YPEL2: variants seen among roughly 807,000 people sequenced by gnomAD.
The protein encoded by YPEL2 is protein yippee-like 2.
Under a neutral mutation model 19.1 loss-of-function variants are expected in YPEL2, and 2 were observed. That is an observed-to-expected ratio of 0.10 (90% CI 0.04 to 0.33). YPEL2 has a LOEUF of 0.33. Among genes scored for constraint, YPEL2 ranks in the 10% least tolerant of loss-of-function variants. The pLI is 1.00. For synonymous variants in YPEL2, 52 were observed against 50.0 expected, an observed-to-expected ratio of 1.04 and a Z score of -0.17; for missense variants, 66 against 140.7, an observed-to-expected ratio of 0.47 and a Z score of 2.68.
chr17:59,375,996 CT>C (rs1274699221), intron 2 of YPEL2, among the ~76,000 whole-genome samples: 1 of 152,136 alleles, frequency 6.6e-6, no homozygotes, highest in Admixed American at 6.5e-5. Context: ...CAGCTCTAGG[CT>C]TCAGTTTCCT....
intron 1 of YPEL2, among the ~76,000 whole-genome samples, chr17:59,334,567 CACAA>C (rs2047689568): frequency 2.0e-5 from 2 of 99,258 alleles, no homozygotes; most frequent in South Asian, 4.5e-4. Context: ...TGCCTTCAGG[CACAA>C]ACACACACAC....
intron 1 of YPEL2, among the ~76,000 whole-genome samples, chr17:59,332,374 C>G (rs1184632458): frequency 6.6e-6 from 1 of 152,210 alleles, no homozygotes; most frequent in Non-Finnish European, 1.5e-5. Context: ...TGCCCCGACC[C>G]GGGTCGAGGT....
intron 2 of YPEL2, among the ~76,000 whole-genome samples, chr17:59,365,869 A>AC (rs2047866210): frequency 6.6e-6 from 1 of 152,084 alleles, no homozygotes; most frequent in Non-Finnish European, 1.5e-5. Flanking sequence ...AGAAACAACA[A>AC]CATCTAATCA....
chr17:59,339,309 C>T (rs756030872), intron 1 of YPEL2, among the ~76,000 whole-genome samples: 9 of 152,096 alleles, frequency 5.9e-5, no homozygotes, highest in Non-Finnish European at 8.8e-5. Context: ...TTGTTTTGCT[C>T]GCGGGGCTCT....
chr17:59,346,217 G>T (rs901683025), intron 1 of YPEL2, among the ~76,000 whole-genome samples: 35 of 152,228 alleles, frequency 2.3e-4, no homozygotes, highest in Admixed American at 2.3e-3. Context: ...AGCCAGGGCT[G>T]CTTTCATTCT....
At chr17:59,373,593 G>A (rs946003545) in intron 2 of YPEL2, among the ~76,000 whole-genome samples, 3 of 152,142 alleles carry the variant, frequency 2.0e-5, no homozygotes, top group Non-Finnish European at 2.9e-5. Flanking sequence ...GCAAGGCTCC[G>A]GACATGGCTG....
intron 1 of YPEL2, among the ~76,000 whole-genome samples, chr17:59,335,661 G>C (rs2047695088): frequency 1.3e-5 from 2 of 152,064 alleles, no homozygotes; most frequent in Non-Finnish European, 2.9e-5. Flanking sequence ...TGATTCTCCT[G>C]CCTCAGCCTC....
intron 2 of YPEL2, among the ~76,000 whole-genome samples, chr17:59,380,492 A>G (rs1365912746): frequency 6.6e-6 from 1 of 151,850 alleles, no homozygotes; most frequent in African/African-American, 2.4e-5. Flanking sequence ...CTGGTCTCGA[A>G]CTCCTGACCT....
intron 3 of YPEL2, chr17:59,389,158 C>G (rs994078059): frequency 5.3e-6 from 3 of 568,858 alleles, no homozygotes; most frequent in Non-Finnish European, 9.5e-6. Context: ...ACCCACTCCA[C>G]TAGAACTTGC....
intron 2 of YPEL2, among the ~76,000 whole-genome samples, chr17:59,372,094 T>G (rs188747864): frequency 6.6e-6 from 1 of 152,314 alleles, no homozygotes; most frequent in Admixed American, 6.5e-5. Context: ...TAACCTTGGA[T>G]GTAGGTACCA....
intron 4 of YPEL2, among the ~76,000 whole-genome samples, chr17:59,391,814 C>T (rs574756202): frequency 2.0e-5 from 3 of 152,088 alleles, no homozygotes; most frequent in South Asian, 2.1e-4. Context: ...GCAGGAGAAT[C>T]GCTTGAACCC....
At chr17:59,379,856 T>TTTTTGTTTTGTTTTGTTTTG (rs138395997) in intron 2 of YPEL2, among the ~76,000 whole-genome samples, 58,043 of 149,178 alleles carry the variant, frequency 0.39, 12,049 homozygotes, top group Middle Eastern at 0.48. Flanking sequence ...AAGTTTGGGG[T>TTTTTGTTTTGTTTTGTTTTG]TTTTGTTTTG....
chr17:59,376,640 C>G (rs1161982037), intron 2 of YPEL2, among the ~76,000 whole-genome samples: 1 of 152,134 alleles, frequency 6.6e-6, no homozygotes, highest in Non-Finnish European at 1.5e-5. Context: ...GATTAAGTTA[C>G]TTCACTTTGA....
At chr17:59,358,651 C>T (rs1185026599) in intron 2 of YPEL2, among the ~76,000 whole-genome samples, 2 of 151,836 alleles carry the variant, frequency 1.3e-5, no homozygotes, top group Non-Finnish European at 2.9e-5. Flanking sequence ...TTCTTGTTGT[C>T]CAGGCTGGAG....
chr17:59,389,064 T>TC, intron 3 of YPEL2: 1 of 394,372 alleles, frequency 2.5e-6, no homozygotes, highest in East Asian at 4.9e-5. Flanking sequence ...TGTCAGCTTG[T>TC]CCCCCTAAGT....
chr17:59,360,383 T>C (rs28580286), intron 2 of YPEL2, among the ~76,000 whole-genome samples: 19,377 of 152,264 alleles, frequency 0.13, 1,860 homozygotes, highest in African/African-American at 0.26. Flanking sequence ...CCGGCCGTGT[T>C]AGTGATTCTT....
intron 2 of YPEL2, among the ~76,000 whole-genome samples, chr17:59,372,827 G>A (rs1055245274): frequency 6.6e-6 from 1 of 152,200 alleles, no homozygotes; most frequent in Non-Finnish European, 1.5e-5. Context: ...TAGTGCTTAT[G>A]ACAATGCCCC....
intron 1 of YPEL2, among the ~76,000 whole-genome samples, chr17:59,346,964 A>C (rs2047759434): frequency 1.3e-5 from 2 of 152,182 alleles, no homozygotes; most frequent in African/African-American, 4.8e-5. Flanking sequence ...AATGCCTCCT[A>C]AGAGAGTTCC....
At chr17:59,387,768 AT>A (rs1335321805) in intron 2 of YPEL2, among the ~76,000 whole-genome samples, 1 of 152,252 alleles carries the variant, frequency 6.6e-6, no homozygotes, top group Admixed American at 6.5e-5. Flanking sequence ...CTGTGCTCCC[AT>A]TTAGGATTGT....
Sources: allele counts gnomAD v4.1 joint callset (sites outside exome capture counted in the v4.1 genomes callset), GRCh38; gene constraint gnomAD v4.1.1; transcripts MANE v1.5; gene names NCBI Gene and HGNC (gene_info 2026-07-23, HGNC 2026-07-21).